Variants in NFATC1 observed in about 807,000 individuals in gnomAD.
The protein encoded by NFATC1 is nuclear factor of activated T cells 1, also known as nuclear factor of activated T-cells, cytoplasmic 1.
Under a neutral mutation model 76.0 loss-of-function variants are expected in NFATC1, and 22 were observed. The observed-to-expected ratio is 0.29, with a 90% CI of 0.21 to 0.41. NFATC1 has a LOEUF of 0.41. NFATC1 is among the 10% of genes least tolerant of loss of function. The pLI, the probability that NFATC1 is intolerant of heterozygous loss-of-function variation, is 1.00. For synonymous variants in NFATC1, 704 were observed against 613.1 expected (o/e 1.15, Z -2.19); for missense variants, 1,357 against 1,337.7 (o/e 1.01, Z -0.23).
intron 1 of NFATC1, among the ~76,000 whole-genome samples, chr18:79,399,913 C>G (rs975278671): frequency 2.6e-5 from 4 of 152,170 alleles, no homozygotes; most frequent in African/African-American, 9.6e-5. Flanking sequence ...GCACGTGGCG[C>G]TCGGGGGTCA....
Position 79,486,534 on chromosome 18 carries a change from G to C in NFATC1, c.2379G>C (p.Pro793=). The C allele has an allele frequency of 6.3e-7, 1 of 1,597,366 alleles. No individual in the cohort carries two copies. Among genetic ancestry groups the C allele is most frequent in the Non-Finnish European group, 8.5e-7 (1 of 1,177,288 alleles). Reference sequence around the variant, plus strand: ...ACTGTCACCTCGGACTCCCGCAGCCGGCCGGAGAGGCCCCCGCCGTCCAGG... The same window carrying C: ...ACTGTCACCTCGGACTCCCGCAGCCCGCCGGAGAGGCCCCCGCCGTCCAGG... ...PGHCHLGLPQ[P]AGEAPAVQDV... The change falls in exon 9 of 10, where the codon CCG becomes CCC. Residue 793 remains proline (P), a synonymous_variant. Coordinates refer to ENST00000427363, the MANE Select transcript of NFATC1 (RefSeq NM_001278669.2).
At chr18:79,411,560 AC>A in intron 2 of NFATC1, 59 bp downstream of exon 2, 2 of 977,986 alleles carry the variant, frequency 2.0e-6, no homozygotes, top group Non-Finnish European at 2.7e-6. Context: ...GCGGGGCGGA[AC>A]GCGGGGAGCG....
At position 79,411,448 on chromosome 18, in the gene NFATC1, G is replaced by A; in HGVS notation, c.1173G>A (p.Gln391=). 2.6e-6 allele frequency: 4 copies of A among 1,517,070 alleles called. No homozygotes were observed. The highest frequency in any genetic ancestry group is 3.5e-6 in the Non-Finnish European group (4 of 1,136,694). 94.0% of individuals were successfully genotyped at this position (1,517,070 alleles called of 1,614,324 possible). A position where few individuals can be genotyped will look rare whatever the true frequency, so the allele number is the denominator to read the frequency against. ...GCGACCAGTACCTGGCGGTGCCGCAGCACCCCTACCAGTGGGCGAAGCCCA... is the reference window on the plus strand; with the variant it reads ...GCGACCAGTACCTGGCGGTGCCGCAACACCCCTACCAGTGGGCGAAGCCCA... ...GFCDQYLAVP[Q]HPYQWAKPKP... Residue 391 remains glutamine (Q), a synonymous_variant, in exon 2 of 10, where the codon CAG becomes CAA. Coordinates refer to ENST00000427363, the MANE Select transcript of NFATC1 (RefSeq NM_001278669.2).
chr18:79,515,452 G>C (rs183505735), intron 9 of NFATC1, among the ~76,000 whole-genome samples: 1 of 152,004 alleles, frequency 6.6e-6, no homozygotes, highest in Admixed American at 6.5e-5. Context: ...AGTGGTGGTG[G>C]TGGGCGGGTG....
intron 8 of NFATC1, chr18:79,470,003 A>C (rs575739450): frequency 1.0e-6 from 1 of 985,350 alleles, no homozygotes; most frequent in Non-Finnish European, 1.2e-6. Flanking sequence ...TAAATAATGA[A>C]TAGAAACCAG....
chr18:79,396,219 G>T lies in NFATC1; in HGVS notation c.-6G>T. On this transcript the variant is annotated 5_prime_UTR_variant, in exon 1 of 10. Coordinates refer to ENST00000427363, the MANE Select transcript of NFATC1 (RefSeq NM_001278669.2). The stretch of plus-strand genomic sequence containing the variant: ...CGCCGCTCCACTCCCCGCCGCCGCC[G>T]CGCGGATGCCAAGCACCAGCTTTCC... 6.8e-7 allele frequency: 1 copy of T among 1,477,686 alleles called. No individual in the cohort carries two copies. 91.5% of individuals were successfully genotyped at this position (1,477,686 alleles called of 1,614,324 possible).
intron 3 of NFATC1, among the ~76,000 whole-genome samples, chr18:79,445,363 C>T (rs1016442560): frequency 6.6e-6 from 1 of 152,200 alleles, no homozygotes; most frequent in African/African-American, 2.4e-5. Flanking sequence ...TCTCTGATGC[C>T]TTCCTTCTCG....
chr18:79,510,864 TGCCGGGGCATCTTCC>T (rs1256661679), intron 9 of NFATC1, among the ~76,000 whole-genome samples: 95 of 26,446 alleles, frequency 3.6e-3, no homozygotes, highest in African/African-American at 6.9e-3. Flanking sequence ...GGGCATCCTC[TGCCGGGGCATCTTCC>T]GCCGGGGCAT....
At chr18:79,525,463 C>CTCCTGT (rs1462424141) in intron 9 of NFATC1, among the ~76,000 whole-genome samples, 1 of 40,790 alleles carries the variant, frequency 2.5e-5, no homozygotes, top group East Asian at 4.6e-4. Flanking sequence ...TCAGTCCTCC[C>CTCCTGT]CACGTCCCAC....
intron 1 of NFATC1, among the ~76,000 whole-genome samples, chr18:79,397,622 G>A (rs1481206530): frequency 2.0e-5 from 3 of 152,356 alleles, no homozygotes; most frequent in East Asian, 1.9e-4. Flanking sequence ...ATGTGCTCTT[G>A]CTAGTAGCAG....
At chr18:79,454,278 C>G (rs942309100) in intron 6 of NFATC1, among the ~76,000 whole-genome samples, 11 of 152,234 alleles carry the variant, frequency 7.2e-5, no homozygotes, top group African/African-American at 2.7e-4. Context: ...TCGGCTCCAC[C>G]CTGTCCTTCT....
In NFATC1 at chr18:79,483,498, T is replaced by C. The variant is rs192394876; in HGVS notation, c.2093-2750T>C. On this transcript the variant is annotated intron_variant, in intron 8 of 9. Transcript: ENST00000427363. Reference sequence around the variant, plus strand: ...GGGTGTCACTCCGGCGTGACCTGGTTCCTGGGGTGTCACTCCGGCGTGACC... The same window carrying C: ...GGGTGTCACTCCGGCGTGACCTGGTCCCTGGGGTGTCACTCCGGCGTGACC... 5.3e-5 allele frequency among the ~76,000 whole-genome samples: 5 copies of C among 93,686 alleles called. 1 individual carries two copies. Among genetic ancestry groups the C allele is most frequent in the Non-Finnish European group, 8.2e-5 (4 of 48,544 alleles). 61.5% of individuals were successfully genotyped at this position (93,686 alleles called of 152,430 possible). A position where few individuals can be genotyped will look rare whatever the true frequency, so the allele number is the denominator to read the frequency against.
chr18:79,520,232 C>T (rs911392836), intron 9 of NFATC1, among the ~76,000 whole-genome samples: 3 of 137,664 alleles, frequency 2.2e-5, no homozygotes, highest in Non-Finnish European at 5.0e-5. Flanking sequence ...GAGGTCCGGA[C>T]GAAATGTTGG....
intron 2 of NFATC1, among the ~76,000 whole-genome samples, chr18:79,427,371 G>C (rs563016168): frequency 7.3e-5 from 9 of 123,976 alleles, no homozygotes; most frequent in South Asian, 2.3e-4. Flanking sequence ...GGTGCTGTAC[G>C]GCTGGCCTCT....
chr18:79,454,313 TCCAGGCCAGCTCAGCCTCTGCGTATCAG>T (rs2087595945), intron 6 of NFATC1, among the ~76,000 whole-genome samples: 1 of 152,222 alleles, frequency 6.6e-6, no homozygotes, highest in South Asian at 2.1e-4. Context: ...AAGCTCATTG[TCCAGGCCAGCTCAGCCTCTGCGTATCAG>T]CCAGGCCACC....
chr18:79,482,661 A>G (rs1369369123), intron 8 of NFATC1, among the ~76,000 whole-genome samples: 2 of 118,858 alleles, frequency 1.7e-5, no homozygotes, highest in Non-Finnish European at 3.5e-5. Context: ...GTGTAATTCC[A>G]GCGTGACCTG....
chr18:79,438,320 C>T (rs1462659774), intron 3 of NFATC1, among the ~76,000 whole-genome samples: 3 of 152,218 alleles, frequency 2.0e-5, no homozygotes, highest in Non-Finnish European at 4.4e-5. Context: ...TACACTCTCC[C>T]GGAGGTGGCC....
intron 9 of NFATC1, among the ~76,000 whole-genome samples, chr18:79,495,009 G>A (rs949213908): frequency 6.6e-6 from 1 of 152,070 alleles, no homozygotes; most frequent in Non-Finnish European, 1.5e-5. Flanking sequence ...GGCCGGGTGA[G>A]CATGGAGCCC....
intron 3 of NFATC1, among the ~76,000 whole-genome samples, chr18:79,442,253 C>T (rs1319703492): frequency 6.6e-6 from 1 of 152,252 alleles, no homozygotes; most frequent in Non-Finnish European, 1.5e-5. Flanking sequence ...TGGAGACTGG[C>T]ACGTGTGAGG....
Sources: gnomAD v4.1 joint callset for allele counts (sites outside exome capture counted in the v4.1 genomes callset) on GRCh38, gnomAD v4.1.1 for gene constraint, MANE v1.5 for transcripts, NCBI Gene and HGNC (gene_info 2026-07-23, HGNC 2026-07-21) for gene names.